The following OXCT1 variants were observed in gnomAD, a reference collection of about 807,000 sequenced individuals.
The protein encoded by OXCT1 is succinyl-CoA:3-ketoacid coenzyme A transferase 1, mitochondrial.
OXCT1 carries 27 observed loss-of-function variants against 69.6 expected under a neutral mutation model. The ratio of observed to expected loss-of-function variants is 0.39; its 90% CI spans 0.29 to 0.54. The LOEUF (loss-of-function observed/expected upper bound fraction) is 0.54, where lower values mean the gene tolerates loss of function less well. OXCT1 is among the 20% of genes least tolerant of loss of function. OXCT1 has a pLI of 0.72. For synonymous variants in OXCT1, 202 were observed against 217.8 expected (o/e 0.93, Z 0.64); for missense variants, 437 against 650.2 (o/e 0.67, Z 3.57).
intron 3 of OXCT1, among the ~76,000 whole-genome samples, chr5:41,857,503 T>G (rs1238278616): frequency 6.6e-6 from 1 of 152,224 alleles, no homozygotes; most frequent in Non-Finnish European, 1.5e-5. Flanking sequence ...CTGATTGGGT[T>G]CAGCCACTCT....
At chr5:41,823,989 G>C (rs938713538) in intron 7 of OXCT1, among the ~76,000 whole-genome samples, 11 of 152,094 alleles carry the variant, frequency 7.2e-5, no homozygotes, top group African/African-American at 2.7e-4. Context: ...GAAAAATTCA[G>C]TCAGCTAAAG....
chr5:41,819,821 T>C (rs530020763), intron 7 of OXCT1, among the ~76,000 whole-genome samples: 1 of 152,312 alleles, frequency 6.6e-6, no homozygotes. Context: ...GCTCTGTGGG[T>C]ATAGCTGCTG....
At chr5:41,734,677 A>G (rs979075879) in intron 16 of OXCT1, among the ~76,000 whole-genome samples, 1 of 152,222 alleles carries the variant, frequency 6.6e-6, no homozygotes. Flanking sequence ...AAAATAAGCC[A>G]AAGGATTCCT....
At chr5:41,825,169 A>T (rs1012167787) in intron 7 of OXCT1, among the ~76,000 whole-genome samples, 8 of 152,210 alleles carry the variant, frequency 5.3e-5, no homozygotes, top group African/African-American at 1.4e-4. Flanking sequence ...TGGCAGAAAC[A>T]CTGTATATTA....
In OXCT1 at chr5:41,744,471, G is replaced by A. The variant is rs192174628; in HGVS notation, c.1420-4980C>T. ...TACCCTTTGTTTCCTTCTCCTGCCT[G>A]ATTGCCCTGGCCAGAACTTCCAACA... is the stretch of plus-strand genomic sequence containing the variant. On this transcript the variant is annotated intron_variant, in intron 15 of 16. Transcript: ENST00000196371. Among the ~76,000 whole-genome samples, 483 of 152,184 alleles carry A rather than the reference G, an allele frequency of 3.2e-3. 2 individuals are homozygous for A. Among genetic ancestry groups the A allele is most frequent in the African/African-American group, 0.011 (468 of 41,528 alleles).
At chr5:41,772,406 A>C (rs1250452074) in intron 13 of OXCT1, among the ~76,000 whole-genome samples, 1 of 152,186 alleles carries the variant, frequency 6.6e-6, no homozygotes, top group African/African-American at 2.4e-5. Context: ...ACATTAATAA[A>C]TTGAAATCAT....
chr5:41,829,499 T>C (rs9292827), intron 7 of OXCT1, among the ~76,000 whole-genome samples: 144,813 of 152,170 alleles, frequency 0.95, 69,252 homozygotes, highest in African/African-American at 0.99. Context: ...TATTTTTACC[T>C]CACAATGCAA....
chr5:41,738,679 T>A (rs1375728771), intron 16 of OXCT1, among the ~76,000 whole-genome samples: 1 of 152,240 alleles, frequency 6.6e-6, no homozygotes, highest in Non-Finnish European at 1.5e-5. Flanking sequence ...TTTGGTTAAC[T>A]TCAAATAGAC....
chr5:41,785,020 T>C (rs1361291952), intron 13 of OXCT1, among the ~76,000 whole-genome samples: 1 of 152,202 alleles, frequency 6.6e-6, no homozygotes, highest in African/African-American at 2.4e-5. Context: ...GATAAAAGTA[T>C]TTTTGAATAA....
At chr5:41,744,065 T>A (rs190107310) in intron 15 of OXCT1, among the ~76,000 whole-genome samples, 2,164 of 152,306 alleles carry the variant, frequency 0.014, 99 homozygotes, top group South Asian at 0.079. Context: ...ATAAATTACC[T>A]TGGGCAGTAT....
In OXCT1 at chr5:41,861,464, AGTGT is replaced by A. The variant is rs138522014; in HGVS notation, c.188-64_188-61del. The A allele has an allele frequency of 8.4e-5, 81 of 966,856 alleles. No homozygotes were observed. In the African/African-American group the frequency reaches 1.2e-3, roughly 14 times the overall value. 59.9% of individuals were successfully genotyped at this position (966,856 alleles called of 1,614,324 possible). ...GGGGGTAACAATGTTCTTTCAGAGA[AGTGT>A]GTGTTATTCTTTTTAAAAGGGAAAT... is the stretch of plus-strand genomic sequence containing the variant. On this transcript the variant is annotated intron_variant, in intron 2 of 16. Coordinates refer to ENST00000196371, the MANE Select transcript of OXCT1 (RefSeq NM_000436.4).
chr5:41,816,345 A>G (rs1747243840), intron 7 of OXCT1, among the ~76,000 whole-genome samples: 1 of 152,208 alleles, frequency 6.6e-6, no homozygotes, highest in Non-Finnish European at 1.5e-5. Context: ...TTCAGTTTTC[A>G]AAACTAGATC....
intron 13 of OXCT1, among the ~76,000 whole-genome samples, chr5:41,775,518 C>T (rs1265812094): frequency 2.6e-5 from 4 of 152,162 alleles, no homozygotes; most frequent in African/African-American, 7.2e-5. Flanking sequence ...CTGATGTGTT[C>T]AGCAACCCAG....
At chr5:41,821,460 T>C (rs1042578082) in intron 7 of OXCT1, among the ~76,000 whole-genome samples, 1 of 152,190 alleles carries the variant, frequency 6.6e-6, no homozygotes. Flanking sequence ...ACCAACATAG[T>C]GATTTAATTC....
chr5:41,743,064 A>C (rs1743261409), intron 15 of OXCT1, among the ~76,000 whole-genome samples: 1 of 152,234 alleles, frequency 6.6e-6, no homozygotes. Flanking sequence ...ACTGTCTTCC[A>C]CAATGGCTGA....
intron 2 of OXCT1, 91 bp downstream of exon 2, chr5:41,862,548 TATC>T: frequency 1.4e-6 from 1 of 720,960 alleles, no homozygotes; most frequent in Non-Finnish European, 2.5e-6. Context: ...ATAAAATAAT[TATC>T]ATTTTTATAC....
intron 13 of OXCT1, among the ~76,000 whole-genome samples, chr5:41,785,679 G>C (rs562547161): frequency 1.3e-5 from 2 of 152,234 alleles, no homozygotes; most frequent in South Asian, 2.1e-4. Flanking sequence ...CCAGCATGTA[G>C]GATAGATGCT....
At chr5:41,763,533 A>G (rs956510505) in intron 13 of OXCT1, among the ~76,000 whole-genome samples, 8 of 152,196 alleles carry the variant, frequency 5.3e-5, no homozygotes, top group Non-Finnish European at 8.8e-5. Flanking sequence ...CAAAATATAA[A>G]TAAGTCAGAG....
At chr5:41,749,669 A>C in intron 14 of OXCT1, 62 bp from the exon 15 acceptor site, 1 of 982,874 alleles carries the variant, frequency 1.0e-6, no homozygotes, top group Non-Finnish European at 1.6e-6. Context: ...TAGAATTGGC[A>C]TAACTATAGG....
Sources: allele counts gnomAD v4.1 joint callset (sites outside exome capture counted in the v4.1 genomes callset), GRCh38; gene constraint gnomAD v4.1.1; transcripts MANE v1.5; gene names NCBI Gene and HGNC (gene_info 2026-07-23, HGNC 2026-07-21).